Variants in XIAP observed in about 807,000 individuals in gnomAD.
XIAP encodes X-linked inhibitor of apoptosis.
In XIAP, 3 loss-of-function variants were observed where a neutral mutation model predicts 33.1. The observed-to-expected ratio is 0.09, with a 90% CI of 0.04 to 0.23. The LOEUF is 0.23. Among genes scored for constraint, XIAP ranks in the 10% least tolerant of loss-of-function variants. XIAP has a pLI of 1.00. For missense variants in XIAP, 264 were observed against 363.0 expected (o/e 0.73, Z 2.22); for synonymous variants, 98 against 121.3 (o/e 0.81, Z 1.26).
intron 5 of XIAP, among the ~76,000 whole-genome samples, chrX:123,894,258 GAAGA>G (rs1197054097): frequency 1.8e-5 from 2 of 112,424 alleles, no homozygotes; most frequent in Admixed American, 9.5e-5. Flanking sequence ...CTTTTCAGAT[GAAGA>G]AAGAGTCAGA....
rs188659475 is a variant in XIAP at position 123,911,169 on chromosome X, G to A, written c.*3988G>A. On this transcript the variant is annotated 3_prime_UTR_variant, in exon 7 of 7. Coordinates refer to ENST00000371199, the MANE Select transcript of XIAP (RefSeq NM_001167.4). ...CAGTGATGCTTACTCATAGTTTTTG[G>A]TGTTTCTCATAGATAAGATATAAAT... 2.1e-5 allele frequency: 7 copies of A among 326,868 alleles called. No homozygotes were observed. Among genetic ancestry groups the A allele is most frequent in the Non-Finnish European group, 4.1e-5 (7 of 169,576 alleles). 26.9% of individuals were successfully genotyped at this position (326,868 alleles called of 1,213,427 possible).
Position 123,885,821 on chromosome X carries a change from T to C in XIAP, c.159T>C (p.Leu53=). 3 of 1,212,108 alleles carry C rather than the reference T, an allele frequency of 2.5e-6. No homozygotes were observed. The highest frequency in any genetic ancestry group is 3.3e-6 in the Non-Finnish European group (3 of 895,617). The part of the protein sequence containing the change: ...SASTLARAGF[L]YTGEGDTVRC... The stretch of plus-strand genomic sequence containing the variant: ...CAACACTGGCACGAGCAGGGTTTCT[T>C]TATACTGGTGAAGGAGATACCGTGC... The change falls in exon 2 of 7, where the codon CTT becomes CTC. Residue 53 remains leucine (L), a synonymous_variant. Transcript: ENST00000371199.
rs1410547027 is a variant in XIAP, at chrX:123,913,478, AAC to A, written c.*6299_*6300del. 2 of 327,393 alleles carry A rather than the reference AAC, an allele frequency of 6.1e-6. No homozygotes were observed. Among genetic ancestry groups the A allele is most frequent in the Non-Finnish European group, 1.2e-5 (2 of 169,642 alleles). 27.0% of individuals were successfully genotyped at this position (327,393 alleles called of 1,213,427 possible). A position where few individuals can be genotyped will look rare whatever the true frequency, so the allele number is the denominator to read the frequency against. On this transcript the variant is annotated 3_prime_UTR_variant, in exon 7 of 7. Transcript: ENST00000371199. ...GAGTGAGACTCCCTCTCAAAAACAA[AAC>A]AAAACAAAAAAATTAGACAAATGCT...
In XIAP at chrX:123,886,279, A is replaced by G; in HGVS notation, c.617A>G (p.Lys206Arg). 8.3e-7 allele frequency: 1 copy of G among 1,212,011 alleles called. No individual in the cohort carries two copies. Among genetic ancestry groups the G allele is most frequent in the Non-Finnish European group, 1.1e-6 (1 of 895,592 alleles). Reference protein sequence around the residue: ...DQVQCFCCGGKLKNWEPCDRA... With the variant: ...DQVQCFCCGGRLKNWEPCDRA... ...GTGCAGTGCTTTTGTTGTGGTGGAA[A>G]ACTGAAAAATTGGGAACCTTGTGAT... The change falls in exon 2 of 7, where the codon AAA becomes AGA. Residue 206 changes from lysine (K) to arginine (R), a missense_variant. Transcript: ENST00000371199.
chrX:123,899,215 A>G (rs1267644147), intron 5 of XIAP, among the ~76,000 whole-genome samples: 1 of 63,976 alleles, frequency 1.6e-5, no homozygotes, highest in Non-Finnish European at 2.8e-5. Flanking sequence ...GTATATATAT[A>G]TGATTTTGTA....
At chrX:123,889,556 C>T (rs1382008738) in intron 3 of XIAP, among the ~76,000 whole-genome samples, 4 of 104,880 alleles carry the variant, frequency 3.8e-5, no homozygotes, top group Non-Finnish European at 7.8e-5. Flanking sequence ...TTGCTCTTGT[C>T]GCCCATGCTG....
intron 5 of XIAP, among the ~76,000 whole-genome samples, chrX:123,897,736 T>G (rs974421139): frequency 1.8e-5 from 2 of 111,697 alleles, no homozygotes; most frequent in Admixed American, 1.9e-4. Flanking sequence ...CTAATTTTTG[T>G]ATTTTTAGTA....
rs777312832 is a variant in XIAP, at chrX:123,912,756, C to T, written c.*5575C>T. On this transcript the variant is annotated 3_prime_UTR_variant, in exon 7 of 7. Transcript: ENST00000371199. The stretch of plus-strand genomic sequence containing the variant: ...ATGGAGTGCAATGGCACAATCTTGG[C>T]TCATGGCAAACTCTGCCTCGCAAGC... 3.1e-6 allele frequency: 1 copy of T among 324,775 alleles called. No individual in the cohort carries two copies. Among genetic ancestry groups the T allele is most frequent in the East Asian group, 9.9e-5 (1 of 10,139 alleles). 26.8% of individuals were successfully genotyped at this position (324,775 alleles called of 1,213,427 possible).
In XIAP at chrX:123,907,879, A is replaced by G. The variant is rs1188057524; in HGVS notation, c.*698A>G. The G allele has an allele frequency of 6.2e-6, 2 of 324,156 alleles. No homozygotes were observed. Among genetic ancestry groups the G allele is most frequent in the South Asian group, 5.4e-5 (2 of 36,938 alleles). The allele number at this position is 324,156 out of a possible 1,213,427, so 26.7% of individuals were successfully genotyped here. Reference sequence around the variant, plus strand: ...TGTATAGTCTGAGCCAGATCAAAGTATGTATGTTTTTAATATGCATAGAAC... The same window carrying G: ...TGTATAGTCTGAGCCAGATCAAAGTGTGTATGTTTTTAATATGCATAGAAC... On this transcript the variant is annotated 3_prime_UTR_variant, in exon 7 of 7. Coordinates refer to ENST00000371199, the MANE Select transcript of XIAP (RefSeq NM_001167.4).
intron 1 of XIAP, among the ~76,000 whole-genome samples, chrX:123,873,317 C>A (rs2053211801): frequency 9.1e-6 from 1 of 109,291 alleles, no homozygotes; most frequent in Non-Finnish European, 1.9e-5. Context: ...CAGGCGTGAG[C>A]CACCACACCT....
intron 2 of XIAP, among the ~76,000 whole-genome samples, chrX:123,887,497 G>A (rs775916441): frequency 3.6e-5 from 4 of 112,336 alleles, no homozygotes; most frequent in East Asian, 2.8e-4. Flanking sequence ...TGGTTATTTC[G>A]AAAGATTTTA....
intron 5 of XIAP, among the ~76,000 whole-genome samples, chrX:123,898,001 T>C (rs779575518): frequency 8.9e-6 from 1 of 112,308 alleles, no homozygotes; most frequent in African/African-American, 3.2e-5. Flanking sequence ...AAGAGCAATG[T>C]CTAGTTGCCC....
At chrX:123,884,661 C>A (rs1286283386) in intron 1 of XIAP, among the ~76,000 whole-genome samples, 2 of 111,190 alleles carry the variant, frequency 1.8e-5, no homozygotes, top group Non-Finnish European at 3.8e-5. Context: ...TTGCCTGGGG[C>A]AACCCTGATT....
At chrX:123,888,745 A>T (rs1296813082) in intron 3 of XIAP, 27 bp downstream of exon 3, 2 of 1,166,482 alleles carry the variant, frequency 1.7e-6, no homozygotes, top group Non-Finnish European at 2.3e-6. Flanking sequence ...TTCATTGTAC[A>T]GGCAAGTTGG....
intron 3 of XIAP, 145 bp downstream of exon 3, chrX:123,888,863 C>T (rs189208700): frequency 1.1e-4 from 57 of 513,584 alleles, no homozygotes; most frequent in Non-Finnish European, 1.8e-4. Context: ...GTTTATAAGC[C>T]TTCTCTGATG....
At chrX:123,872,565 T>C (rs1243549451) in intron 1 of XIAP, 1 of 110,105 alleles carries the variant, frequency 9.1e-6, no homozygotes, top group Admixed American at 9.9e-5. Flanking sequence ...GGCGCGCCCC[T>C]GTAGTCTTGC....
At chrX:123,864,704 C>CGT (rs746103984) in intron 1 of XIAP, among the ~76,000 whole-genome samples, 31 of 82,821 alleles carry the variant, frequency 3.7e-4, no homozygotes, top group Admixed American at 1.3e-3. Flanking sequence ...AGGGTGTCAC[C>CGT]GTGTGTGTGT....
chrX:123,907,139 C>T lies in XIAP; in HGVS notation c.1452C>T (p.Cys484=), dbSNP rs61757635. 1.7e-6 allele frequency: 2 copies of T among 1,209,870 alleles called. No individual in the cohort carries two copies. Among genetic ancestry groups the T allele is most frequent in the Non-Finnish European group, 2.2e-6 (2 of 895,098 alleles). ...AAGCAGTTGACAAGTGTCCCATGTG[C>T]TACACAGTCATTACTTTCAAGCAAA... is the stretch of plus-strand genomic sequence containing the variant. The part of the protein sequence containing the change: ...CAEAVDKCPM[C]YTVITFKQKI... The change falls in exon 7 of 7, where the codon TGC becomes TGT. Residue 484 remains cysteine, a synonymous_variant. Coordinates refer to ENST00000371199, the MANE Select transcript of XIAP (RefSeq NM_001167.4).
At chrX:123,880,183 C>T (rs772189647) in intron 1 of XIAP, among the ~76,000 whole-genome samples, 86 of 108,596 alleles carry the variant, frequency 7.9e-4, no homozygotes, top group African/African-American at 2.3e-3. Context: ...GAGGCCGAGG[C>T]GGGCGGATCA....
Sources: allele counts gnomAD v4.1 joint callset (sites outside exome capture counted in the v4.1 genomes callset), GRCh38; gene constraint gnomAD v4.1.1; transcripts MANE v1.5; gene names NCBI Gene and HGNC (gene_info 2026-07-23, HGNC 2026-07-21).